Variants in ELAVL4 observed in about 807,000 individuals in gnomAD.
ELAVL4 encodes the protein ELAV like RNA binding protein 4.
Under a neutral mutation model 35.6 loss-of-function variants are expected in ELAVL4, and 1 was observed. The observed-to-expected ratio is 0.03, with a 90% CI of 0.01 to 0.13. The LOEUF (loss-of-function observed/expected upper bound fraction) is 0.13. Ranked by LOEUF, ELAVL4 falls within the 10% of genes least tolerant of loss-of-function variation. The probability of loss-of-function intolerance (pLI) is 1.00; values close to 1 mark genes in which losing one functional copy is unlikely to be tolerated. For missense variants in ELAVL4, 267 were observed against 464.9 expected, an observed-to-expected ratio of 0.57 and a Z score of 3.91; for synonymous variants, 156 against 171.0, an observed-to-expected ratio of 0.91 and a Z score of 0.69.
chr1:50,145,107 C>T lies in ELAVL4; in HGVS notation c.160C>T (p.Pro54Ser). The change falls in exon 2 of 7, where the codon CCC (proline) becomes TCC (serine). Residue 54 changes from proline to serine, a missense_variant. This residue lies in a region of ELAVL4 where 216 missense variants were observed against 409.5 expected (regional missense o/e 0.53). Coordinates refer to ENST00000371824, the MANE Select transcript of ELAVL4 (RefSeq NM_001144774.3). ...SKTNLIVNYL[P>S]QNMTQEEFRS... ...AACCAACCTCATCGTCAACTATTTA[C>T]CCCAGAATATGACCCAAGAAGAATT... The T allele has an allele frequency of 6.2e-7, 1 of 1,614,000 alleles. No individual in the cohort carries two copies. Among genetic ancestry groups the T allele is most frequent in the Non-Finnish European group, 8.5e-7 (1 of 1,179,958 alleles).
chr1:50,115,989 A>C (rs1365295840), intron 1 of ELAVL4, among the ~76,000 whole-genome samples: 1 of 152,114 alleles, frequency 6.6e-6, no homozygotes, highest in Non-Finnish European at 1.5e-5. Context: ...TAGTAAGAAA[A>C]GGTCTGCTGG....
At chr1:50,155,908 A>C (rs1675644304) in intron 2 of ELAVL4, among the ~76,000 whole-genome samples, 1 of 152,150 alleles carries the variant, frequency 6.6e-6, no homozygotes, top group Non-Finnish European at 1.5e-5. Flanking sequence ...CTCACCAGTC[A>C]ATGGACACAG....
At chr1:50,133,631 G>GAA (rs1208170729) in intron 1 of ELAVL4, among the ~76,000 whole-genome samples, 1 of 148,766 alleles carries the variant, frequency 6.7e-6, no homozygotes, top group Non-Finnish European at 1.5e-5. Context: ...AAGAAAGAAA[G>GAA]AAAGAAAGAA....
chr1:50,067,452 C>T (rs1351901776), intron 1 of ELAVL4, among the ~76,000 whole-genome samples: 4 of 152,092 alleles, frequency 2.6e-5, no homozygotes, highest in South Asian at 2.1e-4. Context: ...CATGGATCCT[C>T]AAGGAGTTTC....
chr1:50,136,793 G>A (rs1047104853), intron 1 of ELAVL4, among the ~76,000 whole-genome samples: 5 of 152,134 alleles, frequency 3.3e-5, no homozygotes, highest in East Asian at 1.9e-4. Context: ...TGATCCTTTC[G>A]CATGAATTGT....
chr1:50,107,797 C>T (rs72688508), upstream of ELAVL4, among the ~76,000 whole-genome samples: 21 of 152,196 alleles, frequency 1.4e-4, no homozygotes, highest in South Asian at 6.2e-4. Context: ...TCAGGTAAGC[C>T]ACTTAAAAAA....
intron 1 of ELAVL4, among the ~76,000 whole-genome samples, chr1:50,069,078 C>G (rs1007423351): frequency 6.6e-6 from 1 of 152,188 alleles, no homozygotes. Flanking sequence ...TCTACTACAT[C>G]CTGCTGTCTT....
intron 2 of ELAVL4, among the ~76,000 whole-genome samples, chr1:50,159,032 T>G (rs1369868349): frequency 5.4e-5 from 7 of 129,820 alleles, no homozygotes; most frequent in Non-Finnish European, 9.5e-5. Flanking sequence ...AGAGCAAGAC[T>G]CCTTCTCAAA....
At position 50,115,760 on chromosome 1, in the gene ELAVL4, A is replaced by G. The variant is rs373153151; in HGVS notation, c.9+6562A>G. Reference sequence around the variant, plus strand: ...AGTTGTTTTGCCAACAGTGTTCATAATAGAGACTGACTGTCATTCCTTGTT... The same window carrying G: ...AGTTGTTTTGCCAACAGTGTTCATAGTAGAGACTGACTGTCATTCCTTGTT... On this transcript the variant is annotated intron_variant, in intron 1 of 6. Coordinates refer to ENST00000371824, the MANE Select transcript of ELAVL4 (RefSeq NM_001144774.3). Among the ~76,000 whole-genome samples the G allele has an allele frequency of 3.0e-4, 46 of 152,258 alleles. 1 individual carries two copies. The South Asian group carries it at 8.7e-3, about 29-fold the overall frequency.
intron 1 of ELAVL4, among the ~76,000 whole-genome samples, chr1:50,086,046 T>A (rs1180672363): frequency 6.6e-6 from 1 of 152,228 alleles, no homozygotes; most frequent in Admixed American, 6.5e-5. Context: ...TTTATGTGAG[T>A]GCTTTAAGTA....
chr1:50,052,718 A>G (rs992419153), intron 1 of ELAVL4, among the ~76,000 whole-genome samples: 1 of 152,228 alleles, frequency 6.6e-6, no homozygotes, highest in Admixed American at 6.5e-5. Flanking sequence ...AGAGTCTGGC[A>G]ATAGTTTACT....
chr1:50,127,034 A>G (rs556583522), intron 1 of ELAVL4, among the ~76,000 whole-genome samples: 27 of 152,206 alleles, frequency 1.8e-4, no homozygotes, highest in African/African-American at 6.3e-4. Flanking sequence ...CAGGAAGAGT[A>G]AGAGAACGCT....
At chr1:50,132,909 G>GT (rs987740676) in intron 1 of ELAVL4, among the ~76,000 whole-genome samples, 7 of 152,176 alleles carry the variant, frequency 4.6e-5, no homozygotes, top group African/African-American at 1.7e-4. Context: ...TTATTCTAGT[G>GT]TTTTTTATTT....
chr1:50,119,084 GAAAGAAAGAA>G (rs772980559), intron 1 of ELAVL4, among the ~76,000 whole-genome samples: 2,195 of 133,234 alleles, frequency 0.016, 39 homozygotes, highest in African/African-American at 0.032. Context: ...AAGAAAGAAA[GAAAGAAAGAA>G]AAAGAAAAAG....
Position 50,123,262 on chromosome 1 carries a change from T to C in ELAVL4, c.9+14064T>C, listed in dbSNP as rs530768591. On this transcript the variant is annotated intron_variant, in intron 1 of 6. Transcript: ENST00000371824. ...CAATGTTACCTTATACAGTAGTTGC[T>C]AGATGAATCCAGCCCAATTCAGCAA... Among the ~76,000 whole-genome samples, 40 of 152,186 alleles carry C rather than the reference T, an allele frequency of 2.6e-4. 1 individual carries two copies. The highest frequency in any genetic ancestry group is 9.1e-4 in the African/African-American group (38 of 41,542).
At chr1:50,073,923 G>T (rs1664644119) in intron 1 of ELAVL4, among the ~76,000 whole-genome samples, 1 of 152,168 alleles carries the variant, frequency 6.6e-6, no homozygotes. Context: ...TTGCCTTCTG[G>T]ACATCTTCAT....
At chr1:50,139,196 G>A (rs893531776) in intron 1 of ELAVL4, among the ~76,000 whole-genome samples, 8 of 152,156 alleles carry the variant, frequency 5.3e-5, no homozygotes, top group Non-Finnish European at 1.2e-4. Context: ...TAAGCTAATG[G>A]ACATGTAAGG....
intron 2 of ELAVL4, among the ~76,000 whole-genome samples, chr1:50,166,399 C>T (rs1284662375): frequency 6.6e-6 from 1 of 152,078 alleles, no homozygotes; most frequent in Non-Finnish European, 1.5e-5. Flanking sequence ...GATATGAAGT[C>T]AATAAATCTT....
chr1:50,106,356 A>T (rs898460271), upstream of ELAVL4: 11 of 1,613,726 alleles, frequency 6.8e-6, no homozygotes, highest in Non-Finnish European at 9.3e-6. Context: ...CTTTTAAGGG[A>T]AATTGTCATT....
Sources: allele counts gnomAD v4.1 joint callset (sites outside exome capture counted in the v4.1 genomes callset), GRCh38; gene constraint gnomAD v4.1.1; regional missense constraint gnomAD v4.1.1; transcripts MANE v1.5; gene names NCBI Gene and HGNC (gene_info 2026-07-23, HGNC 2026-07-21).